The following NDUFS7 variants were observed in gnomAD, a reference collection of about 807,000 sequenced individuals.
NDUFS7 encodes the protein NADH:ubiquinone oxidoreductase core subunit S7.
NDUFS7 carries 11 observed loss-of-function variants against 31.1 expected under a neutral mutation model. The observed-to-expected ratio is 0.35, with a 90% CI of 0.22 to 0.59. The LOEUF (loss-of-function observed/expected upper bound fraction) is 0.59. NDUFS7 is among the 20% of genes least tolerant of loss of function. NDUFS7 has a pLI of 0.79. For missense variants in NDUFS7, 263 were observed against 324.2 expected, an observed-to-expected ratio of 0.81 and a Z score of 1.45; for synonymous variants, 136 against 127.9, an observed-to-expected ratio of 1.06 and a Z score of -0.43.
rs527236380 is a variant in NDUFS7 at position 1,393,645 on chromosome 19, C to T, written c.544+315C>T. 13 of 596,598 alleles carry T rather than the reference C, an allele frequency of 2.2e-5. 1 individual carries two copies. Among genetic ancestry groups the T allele is most frequent in the South Asian group, 1.6e-4 (8 of 50,488 alleles). 37.0% of individuals were successfully genotyped at this position (596,598 alleles called of 1,614,324 possible). Reference sequence around the variant, plus strand: ...AAGACCTGCAGTTAGAAATACCAAGCGAGAAGGTTCCTGGGGGCCAAGGAC... The same window carrying T: ...AAGACCTGCAGTTAGAAATACCAAGTGAGAAGGTTCCTGGGGGCCAAGGAC... On this transcript the variant is annotated intron_variant, in intron 7 of 7. Transcript: ENST00000233627. This position sits in a 1 kb window ranked among gnomAD's most constrained non-coding sequence, Gnocchi z 7.3.
Position 1,388,955 on chromosome 19 carries a change from G to GT in NDUFS7, c.228+18dup, listed in dbSNP as rs769467649. ...GCCCGCCGGGTGAGTACTATGAGCT[G>GT]TAGGCCCTCCTCGAGCGCCAGGGCC... On this transcript the variant is annotated intron_variant, in intron 4 of 7. Transcript: ENST00000233627. The GT allele has an allele frequency of 1.3e-6, 2 of 1,590,902 alleles. No individual in the cohort carries two copies. The highest frequency in any genetic ancestry group is 1.7e-6 in the Non-Finnish European group (2 of 1,167,666).
At chr19:1,395,350 C>T (rs771259165) in intron 7 of NDUFS7, 41 bp from the exon 8 acceptor site, 2 of 1,580,142 alleles carry the variant, frequency 1.3e-6, no homozygotes, top group Non-Finnish European at 1.7e-6. Flanking sequence ...GTCACGCGGG[C>T]TCCGGCTGCG....
Position 1,389,316 on chromosome 19 carries a change from CACAT to C in NDUFS7, c.228+379_228+382del, listed in dbSNP as rs1183742987. Reference sequence around the variant, plus strand: ...GCACATATATGCACAGTCATGCACACACATGCACACTCACACACATGCACACACG... The same window carrying C: ...GCACATATATGCACAGTCATGCACACGCACACTCACACACATGCACACACG... On this transcript the variant is annotated intron_variant, in intron 4 of 7. Coordinates refer to ENST00000233627, the MANE Select transcript of NDUFS7 (RefSeq NM_024407.5). 7 of 480,304 alleles carry C rather than the reference CACAT, an allele frequency of 1.5e-5. No homozygotes were observed. The East Asian group carries it at 1.9e-4, about 13-fold the overall frequency. The allele number at this position is 480,304 out of a possible 1,614,324, so 29.8% of individuals were successfully genotyped here.
chr19:1,389,028 A>G, intron 4 of NDUFS7, 90 bp downstream of exon 4: 1 of 1,054,254 alleles, frequency 9.5e-7, no homozygotes, highest in Admixed American at 2.0e-5. Flanking sequence ...ACGTGCAGAC[A>G]CGTACACACA....
At chr19:1,394,712 C>T in intron 7 of NDUFS7, 1 of 1,200,324 alleles carries the variant, frequency 8.3e-7, no homozygotes, top group Non-Finnish European at 1.1e-6. Context: ...GTGCTTCTCC[C>T]TCCCTTGGAG....
At chr19:1,390,538 C>T (rs777908998) in intron 4 of NDUFS7, 12 of 474,690 alleles carry the variant, frequency 2.5e-5, no homozygotes, top group Non-Finnish European at 3.5e-5. Flanking sequence ...GTTAGACCTG[C>T]GCTACTACTC....
At position 1,387,748 on chromosome 19, in the gene NDUFS7, C is replaced by G. The variant is rs962007853; in HGVS notation, c.17-63C>G. The G allele has an allele frequency of 5.9e-6, 9 of 1,533,986 alleles. No individual in the cohort carries two copies. The African/African-American group carries it at 1.2e-4, about 21-fold the overall frequency. ...GGGCAGGAGCCTGATGGGGAAGCGCCTGGAGGCCGGCCCTGCGTGCTGCCC... is the reference window on the plus strand; with the variant it reads ...GGGCAGGAGCCTGATGGGGAAGCGCGTGGAGGCCGGCCCTGCGTGCTGCCC... On this transcript the variant is annotated intron_variant, in intron 1 of 7. Transcript: ENST00000233627.
In NDUFS7 at chr19:1,393,401, C is replaced by T. The variant is rs1568996845; in HGVS notation, c.544+71C>T. On this transcript the variant is annotated intron_variant, in intron 7 of 7. Transcript: ENST00000233627. This position sits in a 1 kb window ranked among gnomAD's most constrained non-coding sequence, Gnocchi z 7.3. ...CAGCGCCACACGGAGCCCGGCGGCC[C>T]CTGTGAGGGAGTCCCACACCCCCAG... 3 of 1,341,180 alleles carry T rather than the reference C, an allele frequency of 2.2e-6. No homozygotes were observed. In the South Asian group the frequency reaches 3.7e-5, roughly 17 times the overall value. 83.1% of individuals were successfully genotyped at this position (1,341,180 alleles called of 1,614,324 possible).
rs1412068792 is a variant in NDUFS7, at chr19:1,394,893, G to C, written c.545-498G>C. On this transcript the variant is annotated intron_variant, in intron 7 of 7. Transcript: ENST00000233627. ...CTGAACCTGCGTGGCAGCCGGGACT[G>C]GGGGATCCCCAGCAAAGAGCTCTGG... 5.4e-6 allele frequency: 6 copies of C among 1,119,254 alleles called. No individual in the cohort carries two copies. In the African/African-American group the frequency reaches 8.3e-5, roughly 15 times the overall value. 69.3% of individuals were successfully genotyped at this position (1,119,254 alleles called of 1,614,324 possible).
intron 4 of NDUFS7, 170 bp downstream of exon 4, chr19:1,389,108 C>T (rs1446924737): frequency 5.3e-5 from 38 of 719,694 alleles, no homozygotes; most frequent in Non-Finnish European, 7.0e-5. Context: ...GATGTGTACA[C>T]GGACCACACG....
At chr19:1,388,705 G>T in intron 3 of NDUFS7, 112 bp downstream of exon 3, 2 of 1,429,090 alleles carry the variant, frequency 1.4e-6, no homozygotes, top group Non-Finnish European at 1.9e-6. Context: ...GCAGGGAGGG[G>T]GTCACACATC....
chr19:1,394,696 C>T (rs1452851250), intron 7 of NDUFS7: 37 of 1,188,800 alleles, frequency 3.1e-5, no homozygotes, highest in East Asian at 5.9e-5. Flanking sequence ...TCCCTCCCTG[C>T]GGACTGTGCT....
In NDUFS7 at chr19:1,387,735, GA is replaced by G. The variant is rs2082517029; in HGVS notation, c.17-75del. 2.1e-6 allele frequency: 3 copies of G among 1,398,354 alleles called. No individual in the cohort carries two copies. In the Admixed American group the frequency reaches 5.1e-5, roughly 24 times the overall value. The allele number at this position is 1,398,354 out of a possible 1,614,324, so 86.6% of individuals were successfully genotyped here. Reference sequence around the variant, plus strand: ...AGCTAGGCTGTGCGGGCAGGAGCCTGATGGGGAAGCGCCTGGAGGCCGGCCC... The same window carrying G: ...AGCTAGGCTGTGCGGGCAGGAGCCTGTGGGGAAGCGCCTGGAGGCCGGCCC... On this transcript the variant is annotated intron_variant, in intron 1 of 7. Transcript: ENST00000233627.
intron 4 of NDUFS7, chr19:1,390,026 C>G (rs561652731): frequency 6.3e-6 from 1 of 158,720 alleles, no homozygotes; most frequent in Non-Finnish European, 1.4e-5. Context: ...TCCTAAGTAG[C>G]TGGGACTACA....
chr19:1,392,466 C>G (rs563661873), intron 6 of NDUFS7: 1 of 152,630 alleles, frequency 6.6e-6, no homozygotes, highest in Admixed American at 6.5e-5. Flanking sequence ...CTCTGCATCC[C>G]CTTCCGAGCC....
intron 6 of NDUFS7, chr19:1,392,998 G>C (rs2082567452): frequency 1.7e-6 from 1 of 585,398 alleles, no homozygotes; most frequent in African/African-American, 1.9e-5. Flanking sequence ...CGGTGGTCAG[G>C]AGCCCCCTCG....
At chr19:1,389,320 TGC>T (rs2144616202) in intron 4 of NDUFS7, 2 of 460,870 alleles carry the variant, frequency 4.3e-6, no homozygotes, top group Non-Finnish European at 4.3e-6. Flanking sequence ...TGCACACACA[TGC>T]ACACTCACAC....
intron 4 of NDUFS7, 95 bp from the exon 5 acceptor site, chr19:1,390,776 C>A: frequency 7.0e-7 from 1 of 1,425,530 alleles, no homozygotes; most frequent in Non-Finnish European, 9.6e-7. Context: ...CGCCCCGGGA[C>A]ATGAGTCGGG....
At chr19:1,388,180 C>T in intron 2 of NDUFS7, 1 of 587,162 alleles carries the variant, frequency 1.7e-6, no homozygotes, top group Non-Finnish European at 3.0e-6. Flanking sequence ...ACCCAGGTGA[C>T]TGACAGGGCG....
Sources: allele counts gnomAD v4.1 joint callset, GRCh38; gene constraint gnomAD v4.1.1; non-coding constraint Gnocchi (gnomAD v3.1); transcripts MANE v1.5; gene names NCBI Gene and HGNC (gene_info 2026-07-23, HGNC 2026-07-21).